The following STK36 variants were observed in gnomAD, a reference collection of about 807,000 sequenced individuals.
The protein encoded by STK36 is serine/threonine kinase 36.
Under a neutral mutation model 142.2 loss-of-function variants are expected in STK36, and 116 were observed. The ratio of observed to expected loss-of-function variants is 0.82; its 90% CI spans 0.70 to 0.95. STK36 has a LOEUF of 0.95. STK36 is among the 40% of genes least tolerant of loss of function. The pLI is 0.00. For synonymous variants in STK36, 619 were observed against 641.7 expected, an observed-to-expected ratio of 0.96 and a Z score of 0.53; for missense variants, 1,422 against 1,617.2, an observed-to-expected ratio of 0.88 and a Z score of 2.07.
rs753199871 is a variant in STK36, at chr2:218,679,746, A to G, written c.948+17A>G. On this transcript the variant is annotated intron_variant, in intron 8 of 26. Transcript: ENST00000295709. ...ATGCAGAAGGTGTGTGGGGCAGAGG[A>G]AAATATGTGAAATGACCAGGCTAGT... The G allele has an allele frequency of 3.7e-6, 6 of 1,613,832 alleles. No individual in the cohort carries two copies. The highest frequency in any genetic ancestry group is 3.4e-6 in the Non-Finnish European group (4 of 1,179,784).
At chr2:218,685,544 T>G (rs937751900) in intron 11 of STK36, among the ~76,000 whole-genome samples, 1 of 152,136 alleles carries the variant, frequency 6.6e-6, no homozygotes, top group Non-Finnish European at 1.5e-5. Context: ...GGAAAACACA[T>G]TTTCACTAAT....
At position 218,692,500 on chromosome 2, in the gene STK36, G is replaced by A. The variant is rs146656059; in HGVS notation, c.1916-83G>A. On this transcript the variant is annotated intron_variant, in intron 15 of 26. Coordinates refer to ENST00000295709, the MANE Select transcript of STK36 (RefSeq NM_015690.5). ...CCACTCCCTTAGGTTCCCTACTCCT[G>A]CTGCCATGTCGGTGAGTACTGGTGC... 1,725 of 1,531,488 alleles carry A rather than the reference G, an allele frequency of 1.1e-3. 22 individuals carry two copies. In the African/African-American group the frequency reaches 0.02, roughly 18 times the overall value. 94.9% of individuals were successfully genotyped at this position (1,531,488 alleles called of 1,614,324 possible). A position where few individuals can be genotyped will look rare whatever the true frequency, so the allele number is the denominator to read the frequency against.
At position 218,697,944 on chromosome 2, in the gene STK36, C is replaced by T. The variant is rs1411111376; in HGVS notation, c.3000C>T (p.Leu1000=). 1 of 1,614,064 alleles carries T rather than the reference C, an allele frequency of 6.2e-7. No individual in the cohort carries two copies. Among genetic ancestry groups the T allele is most frequent in the East Asian group, 2.2e-5 (1 of 44,896 alleles). Residue 1000 remains leucine, a synonymous_variant, in exon 25 of 27, where the codon CTC becomes CTT. Transcript: ENST00000295709. ...TTGCGCTGGACATGGATGCTGACCT[C>T]CTTATAGGTGTCTTGGCCGACCTCA... is the stretch of plus-strand genomic sequence containing the variant. ...FPFALDMDAD[L]LIGVLADLRD...
intron 4 of STK36, among the ~76,000 whole-genome samples, chr2:218,674,819 C>T (rs1481728144): frequency 3.3e-5 from 5 of 152,112 alleles, no homozygotes; most frequent in Admixed American, 1.3e-4. Context: ...AGGCTGGTCT[C>T]GAACTGCTGG....
At position 218,698,761 on chromosome 2, in the gene STK36, G is replaced by A. The variant is rs1433084379; in HGVS notation, c.3217G>A (p.Asp1073Asn). 7 of 1,614,150 alleles carry A rather than the reference G, an allele frequency of 4.3e-6. No homozygotes were observed. Among genetic ancestry groups the A allele is most frequent in the Non-Finnish European group, 5.9e-6 (7 of 1,180,030 alleles). Residue 1073 changes from aspartate (D) to asparagine (N), a missense_variant, in exon 26 of 27, where the codon GAC becomes AAC. Physicochemically the swap from Asp to Asn is conservative, Grantham distance 23 (BLOSUM62 1). This residue lies in a region of STK36 where 962 missense variants were observed against 1,167.5 expected (regional missense o/e 0.82). Transcript: ENST00000295709. Reference protein sequence around the residue: ...VSFLSVALLSDQPLLTSDLLS... With the variant: ...VSFLSVALLSNQPLLTSDLLS... ...GTTTCTCTCAGTTGCCCTCCTGAGT[G>A]ACCAGCCACTGTTGACCTCCGACCT...
At chr2:218,686,233 C>G (rs1940772898) in intron 11 of STK36, among the ~76,000 whole-genome samples, 1 of 151,768 alleles carries the variant, frequency 6.6e-6, no homozygotes, top group African/African-American at 2.4e-5. Flanking sequence ...ACCACCGTGC[C>G]CAGCCTTTTT....
rs1863703 is a variant in STK36, at chr2:218,679,665, A to G, written c.884A>G (p.Lys295Arg). The G allele has an allele frequency of 0.071, 114,554 of 1,614,022 alleles. 7,694 individuals are homozygous for G. Among genetic ancestry groups the G allele is most frequent in the African/African-American group, 0.37 (27,444 of 74,916 alleles). ...GAACAGGCCCATCGGTTGGCCCCCA[A>G]GGGTAATCAGTCTCGCATCTTGACT... ...KDEQAHRLAP[K>R]GNQSRILTQA... Residue 295 changes from lysine to arginine, a missense_variant, in exon 8 of 27, where the codon AAG becomes AGG. By Grantham distance (26) the Lys-to-Arg change is conservative. Transcript: ENST00000295709.
At position 218,697,969 on chromosome 2, in the gene STK36, A is replaced by G. The variant is rs373349475; in HGVS notation, c.3025A>G (p.Arg1009Gly). 83 of 1,614,032 alleles carry G rather than the reference A, an allele frequency of 5.1e-5. No homozygotes were observed. In the African/African-American group the frequency reaches 6.7e-4, roughly 13 times the overall value. The change falls in exon 25 of 27, where the codon AGG (arginine) becomes GGG (glycine). Residue 1009 changes from arginine (R) to glycine (G), a missense_variant. By Grantham distance (125) the Arg-to-Gly change is moderately radical. This residue lies in a region of STK36 where 962 missense variants were observed against 1,167.5 expected (regional missense o/e 0.82). Transcript: ENST00000295709. ...CCTTATAGGTGTCTTGGCCGACCTCAGGGACTCAGAAGTTGCAGCCCATCT... is the reference window on the plus strand; with the variant it reads ...CCTTATAGGTGTCTTGGCCGACCTCGGGGACTCAGAAGTTGCAGCCCATCT... ...DLLIGVLADLRDSEVAAHLLQ... is the reference protein window; with the variant it reads ...DLLIGVLADLGDSEVAAHLLQ...
Position 218,685,414 on chromosome 2 carries a change from T to C in STK36, c.1380+186T>C, listed in dbSNP as rs570455263. 2.7e-3 allele frequency among the ~76,000 whole-genome samples: 410 copies of C among 152,306 alleles called. 2 individuals carry two copies. The highest frequency in any genetic ancestry group is 9.5e-3 in the African/African-American group (397 of 41,576). On this transcript the variant is annotated intron_variant, in intron 11 of 26. Coordinates refer to ENST00000295709, the MANE Select transcript of STK36 (RefSeq NM_015690.5). ...GAAAGAGCAGCCCTCAGGTTTCTTT[T>C]TCTGAAGGGAAAAATGCCTACTAGA...
chr2:218,696,451 A>G, intron 21 of STK36, 76 bp from the exon 22 acceptor site: 1 of 1,299,416 alleles, frequency 7.7e-7, no homozygotes, highest in Non-Finnish European at 1.1e-6. Context: ...CCATGGCACC[A>G]TCACTGACCT....
In STK36 at chr2:218,690,502, C is replaced by T; in HGVS notation, c.1711C>T (p.Leu571=). Reference sequence around the variant, plus strand: ...CCTTTTTCTGGACCTGTTGGGGAAACTGCTGGCCCAACCAGATGACTCTGA... The same window carrying T: ...CCTTTTTCTGGACCTGTTGGGGAAATTGCTGGCCCAACCAGATGACTCTGA... ...ANLFLDLLGK[L]LAQPDDSEQT... The change falls in exon 14 of 27, where the codon CTG becomes TTG. Residue 571 remains leucine (L), a synonymous_variant. Coordinates refer to ENST00000295709, the MANE Select transcript of STK36 (RefSeq NM_015690.5). The T allele has an allele frequency of 6.2e-7, 1 of 1,614,206 alleles. No individual in the cohort carries two copies. The highest frequency in any genetic ancestry group is 8.5e-7 in the Non-Finnish European group (1 of 1,180,034).
At chr2:218,693,436 A>T in intron 17 of STK36, 92 bp downstream of exon 17, 1 of 1,260,688 alleles carries the variant, frequency 7.9e-7, no homozygotes, top group South Asian at 1.3e-5. Flanking sequence ...GGAGGACTAA[A>T]AGAGAGAGAG....
chr2:218,673,685 C>A lies in STK36; in HGVS notation c.145C>A (p.Gln49Lys), dbSNP rs371786612. 89 of 1,614,188 alleles carry A rather than the reference C, an allele frequency of 5.5e-5. 2 individuals are homozygous for A. In the East Asian group the frequency reaches 9.1e-4, roughly 17 times the overall value. Residue 49 changes from glutamine to lysine, a missense_variant, in exon 3 of 27, where the codon CAA (glutamine) becomes AAA (lysine). Physicochemically the swap from Gln to Lys is moderately conservative, Grantham distance 53 (BLOSUM62 1). Around this residue, in one of 2 missense-constraint regions of STK36, gnomAD observed 460 missense variants for 449.6 expected, o/e 1.02. Transcript: ENST00000295709. ...CTCAGAGAAGGAGCTGAGGAATTTG[C>A]AACGAGAGATTGAAATAATGCGGGG... is the stretch of plus-strand genomic sequence containing the variant. Reference protein sequence around the residue: ...GRSEKELRNLQREIEIMRGLR... With the variant: ...GRSEKELRNLKREIEIMRGLR...
At position 218,702,053 on chromosome 2, in the gene STK36, C is replaced by G. The variant is rs781135898; in HGVS notation, c.*44C>G. 4 of 1,607,258 alleles carry G rather than the reference C, an allele frequency of 2.5e-6. No individual in the cohort carries two copies. The highest frequency in any genetic ancestry group is 1.7e-4 in the Middle Eastern group (1 of 5,840). ...CAGCCTCCAACTTTGGTTGCCAGCTCTTTCTTATTCTACTACACAAGCCGC... is the reference window on the plus strand; with the variant it reads ...CAGCCTCCAACTTTGGTTGCCAGCTGTTTCTTATTCTACTACACAAGCCGC... On this transcript the variant is annotated 3_prime_UTR_variant, in exon 27 of 27. Coordinates refer to ENST00000295709, the MANE Select transcript of STK36 (RefSeq NM_015690.5).
intron 15 of STK36, 105 bp from the exon 16 acceptor site, chr2:218,692,478 C>T (rs1941043146): frequency 1.3e-6 from 2 of 1,513,194 alleles, no homozygotes; most frequent in Non-Finnish European, 1.8e-6. Context: ...ATTCTTCCCA[C>T]TCCCTTAGGT....
chr2:218,679,456 T>C (rs1679300116), intron 7 of STK36, 104 bp from the exon 8 acceptor site: 2 of 1,418,682 alleles, frequency 1.4e-6, no homozygotes, highest in African/African-American at 1.4e-5. Context: ...TTCAAAATGA[T>C]CTTCTTCCAC....
Position 218,698,851 on chromosome 2 carries a change from C to T in STK36, c.3307C>T (p.Leu1103Phe), listed in dbSNP as rs1941336159. The T allele has an allele frequency of 6.2e-7, 1 of 1,614,248 alleles. No homozygotes were observed. Among genetic ancestry groups the T allele is most frequent in the Admixed American group, 1.7e-5 (1 of 60,026 alleles). The change falls in exon 26 of 27, where the codon CTT becomes TTT. Residue 1103 changes from leucine to phenylalanine, a missense_variant. Physicochemically the swap from Leu to Phe is conservative, Grantham distance 22. Transcript: ENST00000295709. ...CAGCCACTTGTCCTTTATCCAAGAG[C>T]TTCTGGCTGGCTCTGATGAATCCTA... ...SPSHLSFIQE[L>F]LAGSDESYRP...
chr2:218,678,742 C>T (rs904064516), intron 6 of STK36, among the ~76,000 whole-genome samples: 1 of 152,138 alleles, frequency 6.6e-6, no homozygotes, highest in Non-Finnish European at 1.5e-5. Context: ...TTACTTGTAA[C>T]CAAAAATGCA....
In STK36 at chr2:218,701,906, T is replaced by C. The variant is rs1159506371; in HGVS notation, c.3845T>C (p.Leu1282Pro). ...SLGASEKLSL[L>P]SLGNQSLPHS... is the part of the protein sequence containing the mutation. ...GGTGCCAGTGAGAAACTATCCTTGC[T>C]CTCTCTGGGGAATCAGTCACTGCCA... Residue 1282 changes from leucine (L) to proline (P), a missense_variant, in exon 27 of 27, where the codon CTC becomes CCC. Leu to Pro is a moderately conservative substitution (Grantham distance 98). Around this residue, in one of 2 missense-constraint regions of STK36, gnomAD observed 962 missense variants for 1,167.5 expected, o/e 0.82. Transcript: ENST00000295709. 2 of 1,614,018 alleles carry C rather than the reference T, an allele frequency of 1.2e-6. No homozygotes were observed. Among genetic ancestry groups the C allele is most frequent in the African/African-American group, 2.7e-5 (2 of 74,906 alleles).
Sources: gnomAD v4.1 joint callset for allele counts (sites outside exome capture counted in the v4.1 genomes callset) on GRCh38, gnomAD v4.1.1 for gene constraint, gnomAD v4.1.1 regional missense constraint, MANE v1.5 for transcripts, NCBI Gene and HGNC (gene_info 2026-07-23, HGNC 2026-07-21) for gene names.